Variants in NUP214 observed in about 807,000 individuals in gnomAD.
NUP214 encodes the protein nuclear pore complex protein Nup214.
Under a neutral mutation model 196.2 loss-of-function variants are expected in NUP214, and 79 were observed. The ratio of observed to expected loss-of-function variants is 0.40; its 90% CI spans 0.34 to 0.49. NUP214 has a LOEUF of 0.49. Ranked by LOEUF, NUP214 falls within the 20% of genes least tolerant of loss-of-function variation. The probability of loss-of-function intolerance (pLI) is 0.58; values close to 1 mark genes in which losing one functional copy is unlikely to be tolerated. For missense variants in NUP214, 2,468 were observed against 2,539.0 expected (o/e 0.97, Z 0.60); for synonymous variants, 1,020 against 990.5 (o/e 1.03, Z -0.56).
chr9:131,167,191 AC>A (rs1371314769), intron 21 of NUP214: 1 of 152,082 alleles, frequency 6.6e-6, no homozygotes, highest in Non-Finnish European at 1.5e-5. Context: ...ATGTAAGCAT[AC>A]CTCCCAAAAC....
At chr9:131,127,306 C>T (rs1304355902) in intron 1 of NUP214, among the ~76,000 whole-genome samples, 1 of 152,134 alleles carries the variant, frequency 6.6e-6, no homozygotes, top group Non-Finnish European at 1.5e-5. Context: ...TCGCTTGAAC[C>T]TGGGAGGCAG....
chr9:131,130,998 CCTT>C (rs1479940524), intron 5 of NUP214, among the ~76,000 whole-genome samples, 162 bp downstream of exon 5: 2 of 152,194 alleles, frequency 1.3e-5, no homozygotes, highest in Non-Finnish European at 2.9e-5. Flanking sequence ...TTCCCATAGT[CCTT>C]CTTCCAGAGG....
At chr9:131,150,799 T>C (rs998408044) in intron 16 of NUP214, 34 bp downstream of exon 16, 3 of 1,583,628 alleles carry the variant, frequency 1.9e-6, no homozygotes, top group Non-Finnish European at 2.6e-6. Flanking sequence ...CTGAGTTGAA[T>C]TGCATTTAAC....
At chr9:131,188,178 G>A (rs899316827) in intron 25 of NUP214, among the ~76,000 whole-genome samples, 4 of 152,160 alleles carry the variant, frequency 2.6e-5, no homozygotes, top group Non-Finnish European at 4.4e-5. Context: ...CAATGTCTGG[G>A]GTATAGGTTA....
At chr9:131,172,239 T>C (rs1179318067) in intron 21 of NUP214, among the ~76,000 whole-genome samples, 1 of 151,906 alleles carries the variant, frequency 6.6e-6, no homozygotes, top group African/African-American at 2.4e-5. Flanking sequence ...TTTTAATGAT[T>C]GCCATTCTAA....
In NUP214 at chr9:131,197,443, C is replaced by T; in HGVS notation, c.3949C>T (p.Leu1317=). 1.2e-6 allele frequency: 2 copies of T among 1,614,192 alleles called. No individual in the cohort carries two copies. Among genetic ancestry groups the T allele is most frequent in the Non-Finnish European group, 1.7e-6 (2 of 1,180,036 alleles). ...TAAGCTGGAAACCCCACCGTCCAAG[C>T]TGGGAGAGCTTCTGTTTCCAAGTTC... The part of the protein sequence containing the change: ...SSKLETPPSK[L]GELLFPSSLA... Residue 1317 remains leucine, a synonymous_variant, in exon 29 of 36, where the codon CTG becomes TTG. Coordinates refer to ENST00000359428, the MANE Select transcript of NUP214 (RefSeq NM_005085.4).
intron 26 of NUP214, chr9:131,190,206 T>G: frequency 2.4e-6 from 1 of 416,524 alleles, no homozygotes; most frequent in Non-Finnish European, 4.2e-6. Flanking sequence ...GCCTAAAGCT[T>G]TATGTTAAAA....
rs767381024 is a variant in NUP214, at chr9:131,189,140, G to A, written c.3574+9G>A. On this transcript the variant is annotated intron_variant, in intron 26 of 35. Coordinates refer to ENST00000359428, the MANE Select transcript of NUP214 (RefSeq NM_005085.4). ...TGGTGACAAAGCTTCAGGTCAGTTT[G>A]CATTTTTGTTTTCTTGAAAAGTGAA... 4 of 1,612,764 alleles carry A rather than the reference G, an allele frequency of 2.5e-6. No homozygotes were observed. Among genetic ancestry groups the A allele is most frequent in the Non-Finnish European group, 3.4e-6 (4 of 1,178,872 alleles).
chr9:131,219,734 C>A (rs147242701), intron 31 of NUP214, among the ~76,000 whole-genome samples: 1 of 152,140 alleles, frequency 6.6e-6, no homozygotes, highest in Non-Finnish European at 1.5e-5. Flanking sequence ...GTTTAGGGTC[C>A]TGAAAGACAT....
At chr9:131,223,719 A>ATTTATTTATTTT (rs1834632199) in intron 32 of NUP214, among the ~76,000 whole-genome samples, 1 of 15,532 alleles carries the variant, frequency 6.4e-5, no homozygotes, top group Non-Finnish European at 1.8e-4. Flanking sequence ...ATTTTTATTT[A>ATTTATTTATTTT]TTTATTTATT....
At chr9:131,192,372 T>A in intron 27 of NUP214, 80 bp downstream of exon 27, 3 of 863,676 alleles carry the variant, frequency 3.5e-6, no homozygotes, top group Non-Finnish European at 5.6e-6. Context: ...TATATTTATT[T>A]ACTTATTAAA....
At chr9:131,201,087 A>C (rs1564207793) in intron 29 of NUP214, among the ~76,000 whole-genome samples, 2 of 147,930 alleles carry the variant, frequency 1.4e-5, no homozygotes, top group Admixed American at 6.9e-5. Flanking sequence ...ATTTGCTCAG[A>C]CTTTTCTCCA....
chr9:131,208,628 C>T (rs1834149441), intron 30 of NUP214, among the ~76,000 whole-genome samples: 1 of 151,966 alleles, frequency 6.6e-6, no homozygotes, highest in Admixed American at 6.6e-5. Context: ...ACCCAGGAGG[C>T]AGAGCTTGCA....
chr9:131,222,882 G>T lies in NUP214; in HGVS notation c.5854G>T (p.Gly1952Ter). Residue 1952 changes from glycine to a stop codon, truncating the protein, a stop_gained, in exon 32 of 36, where the codon GGA (glycine) becomes TGA (stop). Coordinates refer to ENST00000359428, the MANE Select transcript of NUP214 (RefSeq NM_005085.4). LOFTEE classifies it high-confidence loss of function. ...CACTGGCACTTTCAGCTCTGGAGGA[G>T]GAAGTGTGGCATCCCAAGGCTTTGG... ...KPTGTFSSGG[G>*]SVASQGFGFS... The T allele has an allele frequency of 6.2e-7, 1 of 1,614,216 alleles. No individual in the cohort carries two copies. The highest frequency in any genetic ancestry group is 1.7e-5 in the Admixed American group (1 of 60,022).
intron 6 of NUP214, 103 bp downstream of exon 6, chr9:131,132,762 T>G: frequency 1.0e-6 from 1 of 995,258 alleles, no homozygotes. Flanking sequence ...GTATTGGTGT[T>G]TGCTTTATGA....
chr9:131,129,236 C>G, intron 3 of NUP214, 43 bp from the exon 4 acceptor site: 1 of 1,489,446 alleles, frequency 6.7e-7, no homozygotes, highest in Non-Finnish European at 9.4e-7. Context: ...TCTGCATTTA[C>G]TATTTGTTAA....
In NUP214 at chr9:131,198,834, C is replaced by T; in HGVS notation, c.5340C>T (p.Ser1780=). The T allele has an allele frequency of 6.2e-7, 1 of 1,614,236 alleles. No individual in the cohort carries two copies. Among genetic ancestry groups the T allele is most frequent in the Non-Finnish European group, 8.5e-7 (1 of 1,180,048 alleles). Residue 1780 remains serine (S), a synonymous_variant, in exon 29 of 36, where the codon AGC becomes AGT. Coordinates refer to ENST00000359428, the MANE Select transcript of NUP214 (RefSeq NM_005085.4). ...TTGGTGCCGCCTCAAGTACCAGTAGCTCCAGTTCCTTCTCATTTGGACAGT... is the reference window on the plus strand; with the variant it reads ...TTGGTGCCGCCTCAAGTACCAGTAGTTCCAGTTCCTTCTCATTTGGACAGT... ...SVFGAASSTS[S]SSSFSFGQSS...
rs1588186701 is a variant in NUP214 at position 131,233,921 on chromosome 9, T to C, written c.*434T>C. The C allele has an allele frequency of 3.7e-6, 1 of 272,242 alleles. No homozygotes were observed. Among genetic ancestry groups the C allele is most frequent in the African/African-American group, 2.2e-5 (1 of 46,170 alleles). The allele number at this position is 272,242 out of a possible 1,614,324, so 16.9% of individuals were successfully genotyped here. On this transcript the variant is annotated 3_prime_UTR_variant, in exon 36 of 36. Transcript: ENST00000359428. ...AGGGAAGAGGTTGAATGCTGGTGGG[T>C]CATCTTTTTGAGGCTGAAACTTGGT...
At chr9:131,149,951 C>T (rs564527773) in intron 14 of NUP214, 9 of 160,396 alleles carry the variant, frequency 5.6e-5, no homozygotes, top group Admixed American at 1.8e-4. Context: ...TTGCAGCCTC[C>T]GTTCAGATGG....
Sources: allele counts gnomAD v4.1 joint callset (sites outside exome capture counted in the v4.1 genomes callset), GRCh38; gene constraint gnomAD v4.1.1; transcripts MANE v1.5; gene names NCBI Gene and HGNC (gene_info 2026-07-23, HGNC 2026-07-21).